EIF4G3: variants seen among roughly 807,000 people sequenced by gnomAD.
The protein encoded by EIF4G3 is eukaryotic translation initiation factor 4 gamma 3, also known as eIF-4-gamma 3.
In EIF4G3, 34 loss-of-function variants were observed where a neutral mutation model predicts 186.4. That is an observed-to-expected ratio of 0.18 (90% CI 0.14 to 0.24). EIF4G3 has a LOEUF of 0.24. Among genes scored for constraint, EIF4G3 ranks in the 10% least tolerant of loss-of-function variants. EIF4G3 has a pLI of 1.00. For missense variants in EIF4G3, 1,536 were observed against 1,948.5 expected, an observed-to-expected ratio of 0.79 and a Z score of 3.99; for synonymous variants, 673 against 679.5, an observed-to-expected ratio of 0.99 and a Z score of 0.15.
At chr1:20,909,466 T>C (rs2092822901) in intron 14 of EIF4G3, among the ~76,000 whole-genome samples, 1 of 152,218 alleles carries the variant, frequency 6.6e-6, no homozygotes, top group African/African-American at 2.4e-5. Context: ...TATTTATTTA[T>C]TCTAATCATA....
chr1:21,137,148 C>T (rs1166382323), intron 2 of EIF4G3, among the ~76,000 whole-genome samples: 2 of 142,586 alleles, frequency 1.4e-5, no homozygotes, highest in Admixed American at 7.0e-5. Context: ...TTTGTTTTTC[C>T]TTTTTTTTTT....
chr1:21,016,953 G>A (rs187326036), intron 4 of EIF4G3, among the ~76,000 whole-genome samples: 1 of 152,218 alleles, frequency 6.6e-6, no homozygotes, highest in East Asian at 1.9e-4. Flanking sequence ...TGGTGACAGA[G>A]CGAGACTCTC....
At chr1:20,997,917 TA>T (rs71714195) in intron 6 of EIF4G3, among the ~76,000 whole-genome samples, 51,588 of 137,910 alleles carry the variant, frequency 0.37, 9,516 homozygotes, top group Non-Finnish European at 0.43. Flanking sequence ...TAGGATTATT[TA>T]AAAAAAAAAA....
chr1:20,890,806 G>A (rs1387331224), intron 18 of EIF4G3, among the ~76,000 whole-genome samples: 1 of 152,150 alleles, frequency 6.6e-6, no homozygotes, highest in Non-Finnish European at 1.5e-5. Flanking sequence ...ATTCCCATCT[G>A]TATCTACATC....
intron 14 of EIF4G3, among the ~76,000 whole-genome samples, chr1:20,939,939 C>CG (rs1367300415): frequency 2.0e-5 from 3 of 146,968 alleles, no homozygotes; most frequent in Non-Finnish European, 4.5e-5. Context: ...ACTGCAACCT[C>CG]TGCCTCCCAG....
chr1:21,019,760 T>G (rs1035993819), intron 4 of EIF4G3, among the ~76,000 whole-genome samples: 2 of 152,178 alleles, frequency 1.3e-5, no homozygotes, highest in Non-Finnish European at 2.9e-5. Flanking sequence ...GGCACATGCC[T>G]GTAGTCCCAG....
At chr1:20,833,259 C>CA (rs2065821466) in intron 30 of EIF4G3, among the ~76,000 whole-genome samples, 1 of 150,624 alleles carries the variant, frequency 6.6e-6, no homozygotes, top group African/African-American at 2.4e-5. Context: ...AATGTTCTTC[C>CA]ATTTGTTTGT....
intron 29 of EIF4G3, among the ~76,000 whole-genome samples, chr1:20,843,387 C>T (rs1435057792): frequency 6.6e-6 from 1 of 151,890 alleles, no homozygotes; most frequent in Non-Finnish European, 1.5e-5. Flanking sequence ...TGTAGTGGCA[C>T]ACGCCTGTAA....
chr1:21,105,532 GTTTT>G (rs11357971), intron 2 of EIF4G3, among the ~76,000 whole-genome samples: 5 of 151,508 alleles, frequency 3.3e-5, no homozygotes, highest in Non-Finnish European at 7.4e-5. Flanking sequence ...CCTAAAATAT[GTTTT>G]TTTAAGATTA....
chr1:21,074,846 G>T (rs1297513595), intron 3 of EIF4G3, among the ~76,000 whole-genome samples: 4 of 152,284 alleles, frequency 2.6e-5, no homozygotes, highest in South Asian at 4.1e-4. Context: ...CGAGCGAGGT[G>T]AGAGAATCGC....
Position 20,977,217 on chromosome 1 carries a change from C to T in EIF4G3, c.493+3117G>A, listed in dbSNP as rs930723146. ...TTTTTTTTTTTTTTAGATGGAGTCTCGCTCTGTCACCCAGGTTGGAGTGCA... is the reference window on the plus strand; with the variant it reads ...TTTTTTTTTTTTTTAGATGGAGTCTTGCTCTGTCACCCAGGTTGGAGTGCA... On this transcript the variant is annotated intron_variant, in intron 10 of 36. Coordinates refer to ENST00000602326, the MANE Select transcript of EIF4G3 (RefSeq NM_001391906.1). Among the ~76,000 whole-genome samples, 98 of 151,240 alleles carry T rather than the reference C, an allele frequency of 6.5e-4. 1 individual carries two copies. The highest frequency in any genetic ancestry group is 2.3e-3 in the African/African-American group (93 of 41,244).
chr1:21,051,417 T>C (rs377712293), intron 3 of EIF4G3, among the ~76,000 whole-genome samples: 3 of 152,252 alleles, frequency 2.0e-5, no homozygotes, highest in East Asian at 3.9e-4. Flanking sequence ...ATGCTTATAG[T>C]GAGAATTGAA....
At position 20,876,925 on chromosome 1, in the gene EIF4G3, A is replaced by C. The variant is rs148782053; in HGVS notation, c.2622+2398T>G. ...AGCCCAGGAGTTTGAAGCCTCAGTG[A>C]GCTATGATCATGCTACTGGACTCCA... On this transcript the variant is annotated intron_variant, in intron 20 of 36. Transcript: ENST00000602326. 1.3e-3 allele frequency among the ~76,000 whole-genome samples: 194 copies of C among 152,298 alleles called. 2 individuals carry two copies. In the East Asian group the frequency reaches 0.014, roughly 11 times the overall value.
chr1:21,004,606 C>G (rs143975607), intron 4 of EIF4G3, among the ~76,000 whole-genome samples: 1 of 152,102 alleles, frequency 6.6e-6, no homozygotes, highest in African/African-American at 2.4e-5. Flanking sequence ...CACTATCCCA[C>G]GTCTATGAAT....
chr1:21,022,322 AC>A (rs2090922543), intron 4 of EIF4G3, among the ~76,000 whole-genome samples: 1 of 152,174 alleles, frequency 6.6e-6, no homozygotes, highest in Non-Finnish European at 1.5e-5. Context: ...TAGTACAAAA[AC>A]CCCACAAGTT....
chr1:21,148,313 T>A (rs2097488014), intron 2 of EIF4G3, among the ~76,000 whole-genome samples: 1 of 152,154 alleles, frequency 6.6e-6, no homozygotes, highest in Admixed American at 6.6e-5. Flanking sequence ...CTAAACAATC[T>A]GCCTACCTTG....
intron 4 of EIF4G3, among the ~76,000 whole-genome samples, chr1:21,024,762 G>A (rs971945719): frequency 1.6e-4 from 24 of 148,990 alleles, no homozygotes; most frequent in Non-Finnish European, 3.1e-4. Context: ...GCAGAAGGCC[G>A]CAGGGTCCTC....
intron 2 of EIF4G3, among the ~76,000 whole-genome samples, chr1:21,131,855 C>T (rs1318760935): frequency 1.3e-5 from 2 of 151,936 alleles, no homozygotes; most frequent in African/African-American, 4.8e-5. Context: ...GCCTGTAGTC[C>T]AAGCTACTTG....
intron 3 of EIF4G3, among the ~76,000 whole-genome samples, chr1:21,053,581 C>T (rs1314887746): frequency 1.5e-5 from 2 of 135,460 alleles, no homozygotes; most frequent in Middle Eastern, 4.7e-3. Context: ...CCGCCCTGTC[C>T]GGGAGGGAGG....
Sources: allele counts gnomAD v4.1 joint callset (sites outside exome capture counted in the v4.1 genomes callset), GRCh38; gene constraint gnomAD v4.1.1; transcripts MANE v1.5; gene names NCBI Gene and HGNC (gene_info 2026-07-23, HGNC 2026-07-21).